The following CDH8 variants were observed in gnomAD, a reference collection of about 807,000 sequenced individuals.
CDH8 encodes cadherin 8.
In CDH8, 17 loss-of-function variants were observed where a neutral mutation model predicts 68.1. That is an observed-to-expected ratio of 0.25 (90% CI 0.17 to 0.37). The LOEUF is 0.37. Ranked by LOEUF, CDH8 falls within the 10% of genes least tolerant of loss-of-function variation. The probability of loss-of-function intolerance (pLI) is 1.00; values close to 1 mark genes in which losing one functional copy is unlikely to be tolerated. For synonymous variants in CDH8, 372 were observed against 365.1 expected, an observed-to-expected ratio of 1.02 and a Z score of -0.21; for missense variants, 763 against 999.3, an observed-to-expected ratio of 0.76 and a Z score of 3.19.
At chr16:61,691,289 C>T (rs961306979) in intron 10 of CDH8, among the ~76,000 whole-genome samples, 5 of 152,116 alleles carry the variant, frequency 3.3e-5, no homozygotes, top group African/African-American at 1.2e-4. Flanking sequence ...TTGGGTATGC[C>T]TAGGCCATTG....
At chr16:61,655,301 C>T (rs1214404553) in intron 11 of CDH8, among the ~76,000 whole-genome samples, 169 bp downstream of exon 11, 1 of 152,220 alleles carries the variant, frequency 6.6e-6, no homozygotes, top group Non-Finnish European at 1.5e-5. Flanking sequence ...ACTATCACAA[C>T]CCTTTTTCTC....
At chr16:61,887,625 T>C (rs73566607) in intron 3 of CDH8, among the ~76,000 whole-genome samples, 31,508 of 151,988 alleles carry the variant, frequency 0.21, 3,657 homozygotes, top group African/African-American at 0.32. Context: ...GGACCCACCA[T>C]GTGACCCCAT....
At chr16:61,954,840 A>C (rs1964959726) in intron 2 of CDH8, among the ~76,000 whole-genome samples, 1 of 152,252 alleles carries the variant, frequency 6.6e-6, no homozygotes. Context: ...CCTAAGTCCC[A>C]ATCTTTAACT....
At chr16:61,715,516 T>G (rs1964711943) in intron 9 of CDH8, among the ~76,000 whole-genome samples, 1 of 151,652 alleles carries the variant, frequency 6.6e-6, no homozygotes, top group Non-Finnish European at 1.5e-5. Context: ...GTTTCTGGTT[T>G]CTAGTCAATG....
intron 8 of CDH8, among the ~76,000 whole-genome samples, chr16:61,771,233 T>G (rs1400099688): frequency 1.3e-5 from 2 of 151,938 alleles, no homozygotes; most frequent in Non-Finnish European, 2.9e-5. Flanking sequence ...TCTTTTTATA[T>G]CTTTACTTAA....
intron 8 of CDH8, among the ~76,000 whole-genome samples, chr16:61,753,200 T>C (rs1399782797): frequency 6.6e-6 from 1 of 151,992 alleles, no homozygotes; most frequent in Non-Finnish European, 1.5e-5. Context: ...AAGTTTAAAA[T>C]GAAAGCCATG....
In CDH8 at chr16:61,653,016, G is replaced by T. The variant is rs1963359054; in HGVS notation, c.*592C>A. ...TTTAAGGCTCGACACAATATTTAAAGATGCTATTCAGTCTCTAGTGAGTGG... is the reference window on the plus strand; with the variant it reads ...TTTAAGGCTCGACACAATATTTAAATATGCTATTCAGTCTCTAGTGAGTGG... On this transcript the variant is annotated 3_prime_UTR_variant, in exon 12 of 12. Coordinates refer to ENST00000577390, the MANE Select transcript of CDH8 (RefSeq NM_001796.5). The T allele has an allele frequency of 6.9e-7, 1 of 1,441,324 alleles. No homozygotes were observed. The highest frequency in any genetic ancestry group is 2.5e-5 in the Admixed American group (1 of 40,634). 89.3% of individuals were successfully genotyped at this position (1,441,324 alleles called of 1,614,324 possible).
At chr16:61,845,936 T>C (rs892764039) in intron 4 of CDH8, among the ~76,000 whole-genome samples, 5 of 152,108 alleles carry the variant, frequency 3.3e-5, no homozygotes, top group Admixed American at 6.6e-5. Flanking sequence ...TTTATAACCA[T>C]GCAATTTTCT....
At chr16:61,997,281 G>C (rs376691366) in intron 2 of CDH8, among the ~76,000 whole-genome samples, 1 of 152,102 alleles carries the variant, frequency 6.6e-6, no homozygotes, top group African/African-American at 2.4e-5. Context: ...AGAAAAGAAC[G>C]TAATGCATAT....
At chr16:61,907,524 G>GA (rs1228834541) in intron 2 of CDH8, among the ~76,000 whole-genome samples, 2 of 151,674 alleles carry the variant, frequency 1.3e-5, no homozygotes, top group Admixed American at 1.3e-4. Context: ...AAAAAAAATA[G>GA]AAAAAATTAG....
chr16:61,939,907 C>G (rs888719480), intron 2 of CDH8, among the ~76,000 whole-genome samples: 3 of 152,146 alleles, frequency 2.0e-5, no homozygotes, highest in Admixed American at 1.3e-4. Context: ...GAAACCCATA[C>G]TAGAGCACAT....
intron 9 of CDH8, among the ~76,000 whole-genome samples, chr16:61,719,256 T>C (rs577883688): frequency 2.0e-5 from 3 of 151,114 alleles, no homozygotes; most frequent in Non-Finnish European, 3.0e-5. Context: ...TCTAATCTTA[T>C]TGACACACTA....
intron 2 of CDH8, among the ~76,000 whole-genome samples, chr16:61,952,798 A>G (rs1768655987): frequency 6.6e-6 from 1 of 152,196 alleles, no homozygotes; most frequent in South Asian, 2.1e-4. Context: ...TTTTCACAAA[A>G]TGCAAATCAA....
chr16:61,930,305 A>ACACACACACC (rs796420334), intron 2 of CDH8, among the ~76,000 whole-genome samples: 2 of 150,720 alleles, frequency 1.3e-5, no homozygotes, highest in African/African-American at 4.9e-5. Flanking sequence ...ACACACACAC[A>ACACACACACC]CCCCTATGTA....
intron 4 of CDH8, among the ~76,000 whole-genome samples, chr16:61,853,974 A>G (rs1962991362): frequency 6.9e-6 from 1 of 145,798 alleles, no homozygotes; most frequent in Non-Finnish European, 1.5e-5. Flanking sequence ...ACATGTACAT[A>G]TATGTATGTA....
chr16:61,928,738 G>T (rs772503454), intron 2 of CDH8, among the ~76,000 whole-genome samples: 7 of 152,136 alleles, frequency 4.6e-5, no homozygotes, highest in Non-Finnish European at 2.9e-5. Context: ...TGTATAAGCC[G>T]TCTCATCAAA....
At chr16:62,005,876 G>A (rs189304867) in intron 2 of CDH8, among the ~76,000 whole-genome samples, 306 of 152,256 alleles carry the variant, frequency 2.0e-3, no homozygotes, top group Non-Finnish European at 3.3e-3. Flanking sequence ...ATGTGATTGG[G>A]TGGTGCACGT....
chr16:61,929,370 A>C (rs1964504603), intron 2 of CDH8, among the ~76,000 whole-genome samples: 1 of 152,030 alleles, frequency 6.6e-6, no homozygotes. Context: ...CTTTCTCTTA[A>C]CCATGTGACC....
chr16:61,751,382 T>TAAAAAAAAAAAA (rs71134375), intron 8 of CDH8, among the ~76,000 whole-genome samples: 3 of 54,152 alleles, frequency 5.5e-5, no homozygotes, highest in African/African-American at 2.4e-4. Flanking sequence ...ATATTCTCCT[T>TAAAAAAAAAAAA]AAAAAAAAAA....
Sources: allele counts gnomAD v4.1 joint callset (sites outside exome capture counted in the v4.1 genomes callset), GRCh38; gene constraint gnomAD v4.1.1; transcripts MANE v1.5; gene names NCBI Gene and HGNC (gene_info 2026-07-23, HGNC 2026-07-21).